OR1B1: variants seen among roughly 807,000 people sequenced by gnomAD.
OR1B1 encodes olfactory receptor 1B1.
For missense variants in OR1B1, 414 were observed against 402.1 expected (o/e 1.03, Z -0.25); for synonymous variants, 168 against 156.2 (o/e 1.08, Z -0.57).
chr9:122,637,417 C>G, the OR1B1 span, among the ~76,000 whole-genome samples: 2 of 152,184 alleles, frequency 1.3e-5, no homozygotes, highest in South Asian at 4.1e-4. Flanking sequence ...CATTGGACAT[C>G]TGACTGCACC....
exon 1 of OR1B1, chr9:122,628,708 C>A (rs761801368): frequency 1.2e-6 from 2 of 1,613,894 alleles, no homozygotes; most frequent in Admixed American, 3.3e-5. Context: ...CCACCATGTC[C>A]TGATACTGAG....
At chr9:122,644,495 C>T in the OR1B1 span, among the ~76,000 whole-genome samples, 3 of 152,166 alleles carry the variant, frequency 2.0e-5, no homozygotes, top group African/African-American at 7.2e-5. Context: ...CCCTGGCTTC[C>T]AGATAGCATA....
At chr9:122,629,296 C>T (rs1022765706) in exon 1 of OR1B1, 2 of 1,614,058 alleles carry the variant, frequency 1.2e-6, no homozygotes, top group Non-Finnish European at 1.7e-6. Context: ...GCAACTGGGG[C>T]AGTGTAACTG....
the OR1B1 span, among the ~76,000 whole-genome samples, chr9:122,636,024 G>A: frequency 1.3e-4 from 20 of 152,128 alleles, no homozygotes; most frequent in Admixed American, 8.5e-4. Flanking sequence ...GCATTTTTAC[G>A]GATACTGTTT....
chr9:122,641,227 A>G, the OR1B1 span, among the ~76,000 whole-genome samples: 507 of 152,348 alleles, frequency 3.3e-3, 3 homozygotes, highest in African/African-American at 0.012. Flanking sequence ...TGAATGTGAC[A>G]TAATGTGTGT....
At chr9:122,633,389 G>C (rs1034986108), upstream of OR1B1, among the ~76,000 whole-genome samples, 7 of 151,972 alleles carry the variant, frequency 4.6e-5, no homozygotes. Flanking sequence ...CATTAGTTTT[G>C]GCAATCATTT....
At chr9:122,640,891 C>T in the OR1B1 span, among the ~76,000 whole-genome samples, 1 of 152,120 alleles carries the variant, frequency 6.6e-6, no homozygotes, top group Non-Finnish European at 1.5e-5. Flanking sequence ...ATATTTATTT[C>T]TTACCAGTGA....
At chr9:122,650,387 T>C in the OR1B1 span, among the ~76,000 whole-genome samples, 1 of 151,594 alleles carries the variant, frequency 6.6e-6, no homozygotes, top group Non-Finnish European at 1.5e-5. Context: ...ACCCCAGAAC[T>C]TAAAGTATAA....
upstream of OR1B1, among the ~76,000 whole-genome samples, chr9:122,632,701 C>A (rs187763005): frequency 5.5e-4 from 84 of 152,226 alleles, 1 homozygote; most frequent in Non-Finnish European, 1.6e-4. Context: ...GTTACTTCAC[C>A]TAGAATAATG....
the OR1B1 span, among the ~76,000 whole-genome samples, chr9:122,635,359 G>T: frequency 6.6e-6 from 1 of 152,150 alleles, no homozygotes; most frequent in Non-Finnish European, 1.5e-5. Flanking sequence ...GTGATTAGCA[G>T]GAGTCGGGGA....
chr9:122,639,929 C>A, the OR1B1 span, among the ~76,000 whole-genome samples: 1 of 151,844 alleles, frequency 6.6e-6, no homozygotes, highest in Non-Finnish European at 1.5e-5. Context: ...TTTTTTGAGC[C>A]CTTTTAATGT....
the OR1B1 span, among the ~76,000 whole-genome samples, chr9:122,643,512 C>T: frequency 6.6e-6 from 1 of 152,154 alleles, no homozygotes; most frequent in African/African-American, 2.4e-5. Context: ...TTCTCGGGTC[C>T]TAGGTAAACT....
At chr9:122,629,488 G>A (rs1420588038) in exon 1 of OR1B1, 16 of 1,573,872 alleles carry the variant, frequency 1.0e-5, no homozygotes, top group African/African-American at 1.5e-5. Flanking sequence ...AGAACCCAAG[G>A]AGCAAAAAAA....
chr9:122,628,822 A>T, exon 1 of OR1B1: 1 of 1,614,186 alleles, frequency 6.2e-7, no homozygotes, highest in Non-Finnish European at 8.5e-7. Flanking sequence ...GGCGGCGACC[A>T]GCAGCTGAAG....
At chr9:122,645,491 A>G in the OR1B1 span, among the ~76,000 whole-genome samples, 20 of 152,256 alleles carry the variant, frequency 1.3e-4, no homozygotes, top group East Asian at 7.7e-4. Context: ...GCATTTAATA[A>G]TCAAACTTCC....
chr9:122,639,710 A>G, the OR1B1 span: 1 of 150,428 alleles, frequency 6.6e-6, no homozygotes, highest in Admixed American at 6.6e-5. Context: ...TAATCTATCA[A>G]ATTTAATTTC....
exon 1 of OR1B1, chr9:122,628,714 C>G (rs1830166014): frequency 6.2e-7 from 1 of 1,613,908 alleles, no homozygotes; most frequent in South Asian, 1.1e-5. Flanking sequence ...TGTCCTGATA[C>G]TGAGAGTTCT....
the OR1B1 span, among the ~76,000 whole-genome samples, chr9:122,651,020 G>C: frequency 8.9e-3 from 1,317 of 148,576 alleles, 15 homozygotes; most frequent in East Asian, 0.018. Flanking sequence ...GCGAGACGCC[G>C]TCTCAAAAAA....
the OR1B1 span, among the ~76,000 whole-genome samples, chr9:122,647,146 C>G: frequency 6.6e-6 from 1 of 152,152 alleles, no homozygotes; most frequent in Non-Finnish European, 1.5e-5. Flanking sequence ...AAGACACATT[C>G]TTCTCTTCAG....
Sources: allele counts gnomAD v4.1 joint callset (sites outside exome capture counted in the v4.1 genomes callset), GRCh38; gene constraint gnomAD v4.1.1; transcripts MANE v1.5; gene names NCBI Gene and HGNC (gene_info 2026-07-23, HGNC 2026-07-21).